Variants in DNAH6 observed in about 807,000 individuals in gnomAD.
The protein encoded by DNAH6 is axonemal beta dynein heavy chain 6.
Under a neutral mutation model 491.4 loss-of-function variants are expected in DNAH6, and 340 were observed. That is an observed-to-expected ratio of 0.69 (90% CI 0.63 to 0.76). The LOEUF is 0.76. DNAH6 is among the 30% of genes least tolerant of loss of function. DNAH6 has a pLI of 0.00. For synonymous variants in DNAH6, 1,603 were observed against 1,686.1 expected (o/e 0.95, Z 1.21); for missense variants, 4,443 against 4,972.2 (o/e 0.89, Z 3.20).
At chr2:84,817,014 G>A (rs1680549707) in intron 76 of DNAH6, among the ~76,000 whole-genome samples, 2 of 152,146 alleles carry the variant, frequency 1.3e-5, no homozygotes, top group African/African-American at 2.4e-5. Flanking sequence ...ATGGAGGAGA[G>A]AGAATGTTTG....
intron 72 of DNAH6, 120 bp from the exon 73 acceptor site, chr2:84,812,221 A>G: frequency 1.3e-6 from 1 of 775,074 alleles, no homozygotes. Flanking sequence ...GTGTGCAAAG[A>G]GGATAGAACC....
At position 84,597,980 on chromosome 2, in the gene DNAH6, A is replaced by T. The variant is rs1684773549; in HGVS notation, c.2868+2191A>T. ...TGCAAACAAATAAGATAAAAAATTT[A>T]AAAACATGATGCAAGTAAGAGAAGC... On this transcript the variant is annotated intron_variant, in intron 18 of 76. Transcript: ENST00000389394. 2.6e-5 allele frequency among the ~76,000 whole-genome samples: 4 copies of T among 152,132 alleles called. No individual in the cohort carries two copies. In the South Asian group the frequency reaches 8.3e-4, roughly 32 times the overall value.
Position 84,624,268 on chromosome 2 carries a change from T to C in DNAH6, c.4075T>C (p.Leu1359=). Residue 1359 remains leucine, a synonymous_variant, in exon 27 of 77, where the codon TTA becomes CTA. Transcript: ENST00000389394. Reference sequence around the variant, plus strand: ...TGACAATTTTTTTTATTTGTAGAGATTAAATGCCCTAGCTGCAATAGTTCA... The same window carrying C: ...TGACAATTTTTTTTATTTGTAGAGACTAAATGCCCTAGCTGCAATAGTTCA... ...KNFEKVNFER[L]NALAAIVQGS... is the part of the protein sequence containing the mutation. 6.5e-7 allele frequency: 1 copy of C among 1,543,382 alleles called. No individual in the cohort carries two copies. Among genetic ancestry groups the C allele is most frequent in the Non-Finnish European group, 8.7e-7 (1 of 1,144,634 alleles).
chr2:84,523,204 T>G (rs1170835376), intron 2 of DNAH6, among the ~76,000 whole-genome samples: 1 of 152,100 alleles, frequency 6.6e-6, no homozygotes, highest in Non-Finnish European at 1.5e-5. Context: ...GTCCAGGAAT[T>G]TATCCATCCC....
chr2:84,665,663 C>T (rs543669932), intron 37 of DNAH6, among the ~76,000 whole-genome samples: 3 of 152,220 alleles, frequency 2.0e-5, no homozygotes, highest in Non-Finnish European at 2.9e-5. Flanking sequence ...CTGAATTCTA[C>T]CAGAGCTACA....
At chr2:84,638,379 C>T (rs1217682083) in intron 31 of DNAH6, among the ~76,000 whole-genome samples, 1 of 152,012 alleles carries the variant, frequency 6.6e-6, no homozygotes, top group African/African-American at 2.4e-5. Context: ...GAGCACAGCT[C>T]ACAGGGTGCA....
At chr2:84,581,676 T>A (rs1277050466) in intron 14 of DNAH6, among the ~76,000 whole-genome samples, 2 of 152,156 alleles carry the variant, frequency 1.3e-5, no homozygotes, top group African/African-American at 2.4e-5. Flanking sequence ...TTTAGCAATT[T>A]AAAAAACAGA....
chr2:84,704,015 T>A, intron 50 of DNAH6, 52 bp from the exon 51 acceptor site: 1 of 1,376,760 alleles, frequency 7.3e-7, no homozygotes, highest in Non-Finnish European at 1.0e-6. Context: ...TTGTTTTGAA[T>A]ATTAAAATTC....
chr2:84,564,723 A>G (rs1472243552), intron 11 of DNAH6, among the ~76,000 whole-genome samples: 1 of 152,142 alleles, frequency 6.6e-6, no homozygotes, highest in East Asian at 1.9e-4. Flanking sequence ...TTCCAGTACT[A>G]TGTTGAATAA....
chr2:84,742,010 C>G (rs919324189), intron 62 of DNAH6, among the ~76,000 whole-genome samples: 13 of 152,326 alleles, frequency 8.5e-5, no homozygotes, highest in Admixed American at 7.8e-4. Flanking sequence ...AACTTGAACC[C>G]TCTCCTTACT....
rs576447190 is a variant in DNAH6 at position 84,669,433 on chromosome 2, C to T, written c.6229C>T (p.Arg2077Cys). The change falls in exon 38 of 77, where the codon CGC becomes TGC. Residue 2077 changes from arginine to cysteine, a missense_variant. Physicochemically the swap from Arg to Cys is radical, Grantham distance 180. Around this residue, in one of 3 missense-constraint regions of DNAH6, gnomAD observed 2,977 missense variants for 3,296.6 expected, o/e 0.90. Coordinates refer to ENST00000389394, the MANE Select transcript of DNAH6 (RefSeq NM_001370.2). ...EMLVPTTDTV[R>C]YGYLMEKLLA... Reference sequence around the variant, plus strand: ...GCTTGTCCCCACAACTGACACAGTGCGCTATGGGTATCTAATGGAAAAACT... The same window carrying T: ...GCTTGTCCCCACAACTGACACAGTGTGCTATGGGTATCTAATGGAAAAACT... 121 of 1,551,846 alleles carry T rather than the reference C, an allele frequency of 7.8e-5. No homozygotes were observed. Among genetic ancestry groups the T allele is most frequent in the Middle Eastern group, 1.7e-4 (1 of 6,020 alleles).
chr2:84,744,046 C>G (rs1421560038), intron 62 of DNAH6, among the ~76,000 whole-genome samples: 1 of 152,124 alleles, frequency 6.6e-6, no homozygotes, highest in East Asian at 1.9e-4. Context: ...GCTTTGTCGT[C>G]TCATACCTTG....
chr2:84,799,930 C>G (rs950366844), intron 70 of DNAH6, among the ~76,000 whole-genome samples: 3 of 152,176 alleles, frequency 2.0e-5, no homozygotes, highest in Non-Finnish European at 4.4e-5. Flanking sequence ...CTGTGATTCT[C>G]CATTGGACCC....
At chr2:84,739,552 T>C (rs1344131788) in intron 62 of DNAH6, among the ~76,000 whole-genome samples, 1 of 152,240 alleles carries the variant, frequency 6.6e-6, no homozygotes, top group African/African-American at 2.4e-5. Flanking sequence ...TTTTTTAAAT[T>C]CTTTTTTACT....
chr2:84,580,403 AGCCT>A (rs938213255), intron 14 of DNAH6, among the ~76,000 whole-genome samples: 3 of 151,856 alleles, frequency 2.0e-5, no homozygotes, highest in African/African-American at 7.3e-5. Context: ...TCCTCCTCTC[AGCCT>A]CTTCCCTGTA....
intron 33 of DNAH6, among the ~76,000 whole-genome samples, chr2:84,650,939 A>C (rs1352375585): frequency 1.3e-5 from 2 of 152,198 alleles, no homozygotes; most frequent in Non-Finnish European, 2.9e-5. Context: ...CACACCAGCA[A>C]GAGAAATTAG....
chr2:84,817,156 A>G lies in DNAH6; in HGVS notation c.12373+1073A>G, dbSNP rs149141218. 4.5e-4 allele frequency among the ~76,000 whole-genome samples: 68 copies of G among 152,240 alleles called. 1 individual carries two copies. Among genetic ancestry groups the G allele is most frequent in the African/African-American group, 1.5e-3 (63 of 41,532 alleles). Reference sequence around the variant, plus strand: ...CAAATCTTCAAAGAAACCTAGATATACCAAAGTGATACTTAAGACTGTCAG... The same window carrying G: ...CAAATCTTCAAAGAAACCTAGATATGCCAAAGTGATACTTAAGACTGTCAG... On this transcript the variant is annotated intron_variant, in intron 76 of 76. Coordinates refer to ENST00000389394, the MANE Select transcript of DNAH6 (RefSeq NM_001370.2).
At chr2:84,651,995 G>T in intron 33 of DNAH6, among the ~76,000 whole-genome samples, 1 of 151,224 alleles carries the variant, frequency 6.6e-6, no homozygotes, top group Non-Finnish European at 1.5e-5. Flanking sequence ...ATATAAGATG[G>T]TACTTTGAGA....
At chr2:84,506,919 G>C in the DNAH6 span, among the ~76,000 whole-genome samples, 1,035 of 151,638 alleles carry the variant, frequency 6.8e-3, 7 homozygotes, top group Non-Finnish European at 0.011. Context: ...CTGTTCCATT[G>C]GTCTATATCT....
Sources: allele counts gnomAD v4.1 joint callset (sites outside exome capture counted in the v4.1 genomes callset), GRCh38; gene constraint gnomAD v4.1.1; regional missense constraint gnomAD v4.1.1; transcripts MANE v1.5; gene names NCBI Gene and HGNC (gene_info 2026-07-23, HGNC 2026-07-21).